MPRIP: variants seen among roughly 807,000 people sequenced by gnomAD.
MPRIP encodes myosin phosphatase Rho-interacting protein.
MPRIP carries 59 observed loss-of-function variants against 234.9 expected under a neutral mutation model. The ratio of observed to expected loss-of-function variants is 0.25; its 90% CI spans 0.20 to 0.31. MPRIP has a LOEUF of 0.31. Ranked by LOEUF, MPRIP falls within the 10% of genes least tolerant of loss-of-function variation. MPRIP has a pLI of 1.00. For missense variants in MPRIP, 2,436 were observed against 3,071.0 expected (o/e 0.79, Z 4.89); for synonymous variants, 1,144 against 1,263.9 (o/e 0.91, Z 2.01).
At chr17:17,063,312 G>T (rs535653982) in intron 1 of MPRIP, among the ~76,000 whole-genome samples, 1 of 152,320 alleles carries the variant, frequency 6.6e-6, no homozygotes, top group Non-Finnish European at 1.5e-5. Context: ...TTTGTACTGG[G>T]TGCTTCACTG....
Position 17,158,760 on chromosome 17 carries a change from A to G in MPRIP, c.2158A>G (p.Thr720Ala). The G allele has an allele frequency of 3.1e-6, 5 of 1,611,666 alleles. No individual in the cohort carries two copies. Among genetic ancestry groups the G allele is most frequent in the Non-Finnish European group, 4.2e-6 (5 of 1,179,872 alleles). ...CAAGCGCTTCGGGATGCTCGACGCC[A>G]CAGACGGGCCAGGCACTGAGGATGC... is the stretch of plus-strand genomic sequence containing the variant. The part of the protein sequence containing the change: ...RRKRFGMLDA[T>A]DGPGTEDAAL... Residue 720 changes from threonine (T) to alanine (A), a missense_variant, in exon 14 of 24, where the codon ACA becomes GCA. This residue lies in a region of MPRIP where 1,998 missense variants were observed against 2,520.3 expected (regional missense o/e 0.79). Transcript: ENST00000651222.
chr17:17,077,813 G>A lies in MPRIP; in HGVS notation c.202-198G>A, dbSNP rs540202390. 106 of 549,334 alleles carry A rather than the reference G, an allele frequency of 1.9e-4. No individual in the cohort carries two copies. In the African/African-American group the frequency reaches 1.9e-3, roughly 10 times the overall value. 34.0% of individuals were successfully genotyped at this position (549,334 alleles called of 1,614,324 possible). Reference sequence around the variant, plus strand: ...TCAATCACTCATGTGATTTGGGCCTGTCTCCCAGCCCAGTCCTGGCTGATG... The same window carrying A: ...TCAATCACTCATGTGATTTGGGCCTATCTCCCAGCCCAGTCCTGGCTGATG... On this transcript the variant is annotated intron_variant, in intron 2 of 23. Transcript: ENST00000651222.
intron 3 of MPRIP, among the ~76,000 whole-genome samples, chr17:17,126,220 G>A (rs1018814439): frequency 3.3e-5 from 5 of 152,178 alleles, no homozygotes; most frequent in Admixed American, 6.5e-5. Context: ...GCTGCCGGGC[G>A]TGCTCCTTGG....
chr17:17,095,945 A>G (rs1390615076), intron 3 of MPRIP, among the ~76,000 whole-genome samples: 1 of 152,016 alleles, frequency 6.6e-6, no homozygotes, highest in Non-Finnish European at 1.5e-5. Context: ...TTGATATCTT[A>G]TATCTGCTCT....
chr17:17,113,401 C>A (rs1051553419), intron 3 of MPRIP, among the ~76,000 whole-genome samples: 2 of 152,214 alleles, frequency 1.3e-5, no homozygotes, highest in Non-Finnish European at 2.9e-5. Context: ...CAGTATCTAT[C>A]CTTTTGTGAC....
chr17:17,135,206 C>T (rs1393768962), intron 5 of MPRIP, among the ~76,000 whole-genome samples: 1 of 152,246 alleles, frequency 6.6e-6, no homozygotes, highest in East Asian at 1.9e-4. Flanking sequence ...TCTGTGTTTG[C>T]AGAGTCAAGT....
chr17:17,052,064 C>T (rs2088559435), intron 1 of MPRIP, among the ~76,000 whole-genome samples: 1 of 152,260 alleles, frequency 6.6e-6, no homozygotes, highest in African/African-American at 2.4e-5. Flanking sequence ...GGGCTGGTGG[C>T]AGCAAGGCCT....
intron 4 of MPRIP, among the ~76,000 whole-genome samples, chr17:17,129,628 A>T (rs2090558969): frequency 6.6e-6 from 1 of 152,202 alleles, no homozygotes; most frequent in Non-Finnish European, 1.5e-5. Context: ...GAGCCAGCCC[A>T]GGAGAGCTCA....
intron 1 of MPRIP, among the ~76,000 whole-genome samples, chr17:17,044,351 A>G (rs2088278568): frequency 6.6e-6 from 1 of 152,146 alleles, no homozygotes; most frequent in South Asian, 2.1e-4. Flanking sequence ...TTATGCGATG[A>G]GGAGTTGTTA....
chr17:17,139,972 C>A (rs2090779190), intron 7 of MPRIP, among the ~76,000 whole-genome samples: 1 of 152,242 alleles, frequency 6.6e-6, no homozygotes, highest in Non-Finnish European at 1.5e-5. Context: ...TAGGTGACTT[C>A]TCAACAATGG....
chr17:17,086,474 G>A (rs1347330583), intron 3 of MPRIP, among the ~76,000 whole-genome samples: 2 of 152,250 alleles, frequency 1.3e-5, no homozygotes, highest in African/African-American at 2.4e-5. Flanking sequence ...GTCTGAACCA[G>A]TGCGGTGGAG....
At chr17:17,053,818 C>T (rs1358517389) in intron 1 of MPRIP, among the ~76,000 whole-genome samples, 1 of 152,234 alleles carries the variant, frequency 6.6e-6, no homozygotes, top group Non-Finnish European at 1.5e-5. Flanking sequence ...CTGCTCTGCA[C>T]CACCCTAGCA....
At chr17:17,048,334 G>A (rs2088423033) in intron 1 of MPRIP, among the ~76,000 whole-genome samples, 1 of 152,128 alleles carries the variant, frequency 6.6e-6, no homozygotes, top group Admixed American at 6.5e-5. Flanking sequence ...AGACATAGAG[G>A]GTGTGGGCCA....
chr17:17,115,616 A>G (rs866899713), intron 3 of MPRIP, among the ~76,000 whole-genome samples: 1 of 152,162 alleles, frequency 6.6e-6, no homozygotes, highest in African/African-American at 2.4e-5. Flanking sequence ...CACCAACACA[A>G]TCTAATTTCA....
intron 22 of MPRIP, 101 bp downstream of exon 22, chr17:17,177,513 G>A: frequency 7.6e-7 from 1 of 1,323,388 alleles, no homozygotes; most frequent in Non-Finnish European, 1.0e-6. Flanking sequence ...AAGAGTCCCA[G>A]TGATGCTTGT....
intron 3 of MPRIP, among the ~76,000 whole-genome samples, chr17:17,112,537 G>A (rs945620929): frequency 1.1e-4 from 17 of 149,436 alleles, no homozygotes; most frequent in Non-Finnish European, 1.7e-4. Flanking sequence ...AGCTGCCCCT[G>A]TCCTCTGTAC....
rs1410124958 is a variant in MPRIP at position 17,165,223 on chromosome 17, C to T, written c.3632C>T (p.Ala1211Val). ...GAGGAAACAGAAATTAAGCTCCAGG[C>T]AAAAGAAGAGATTTTAAGGAAATTT... ...SLEETEIKLQ[A>V]KEEILRKFAS... The change falls in exon 16 of 24, where the codon GCA (alanine) becomes GTA (valine). Residue 1211 changes from alanine to valine, a missense_variant. By Grantham distance (64) the Ala-to-Val change is moderately conservative. Coordinates refer to ENST00000651222, the MANE Select transcript of MPRIP (RefSeq NM_001364716.4). 7.7e-7 allele frequency: 1 copy of T among 1,304,022 alleles called. No homozygotes were observed. The highest frequency in any genetic ancestry group is 1.0e-6 in the Non-Finnish European group (1 of 988,960). The allele number at this position is 1,304,022 out of a possible 1,614,324, so 80.8% of individuals were successfully genotyped here. A position where few individuals can be genotyped will look rare whatever the true frequency, so the allele number is the denominator to read the frequency against.
chr17:17,143,407 G>A, intron 8 of MPRIP, 149 bp from the exon 9 acceptor site: 1 of 496,906 alleles, frequency 2.0e-6, no homozygotes, highest in Non-Finnish European at 3.5e-6. Context: ...TGGCCCTGCT[G>A]CAGACTTGCT....
In MPRIP at chr17:17,067,899, T is replaced by C. The variant is rs142668021; in HGVS notation, c.124-7811T>C. On this transcript the variant is annotated intron_variant, in intron 1 of 23. Coordinates refer to ENST00000651222, the MANE Select transcript of MPRIP (RefSeq NM_001364716.4). ...CCATCTGGGCTTGGAGATTTCTTTT[T>C]TGTGAGTTATGGAATTACATATTCA... Among the ~76,000 whole-genome samples, 242 of 151,818 alleles carry C rather than the reference T, an allele frequency of 1.6e-3. 1 individual carries two copies. The highest frequency in any genetic ancestry group is 3.1e-3 in the Non-Finnish European group (208 of 67,950).
Sources: gnomAD v4.1 joint callset for allele counts (sites outside exome capture counted in the v4.1 genomes callset) on GRCh38, gnomAD v4.1.1 for gene constraint, gnomAD v4.1.1 regional missense constraint, MANE v1.5 for transcripts, NCBI Gene and HGNC (gene_info 2026-07-23, HGNC 2026-07-21) for gene names.